Variants in OTOGL observed in about 807,000 individuals in gnomAD.
OTOGL encodes the protein otogelin like, also known as otogelin-like protein.
Under a neutral mutation model 318.5 loss-of-function variants are expected in OTOGL, and 285 were observed. That is an observed-to-expected ratio of 0.89 (90% CI 0.81 to 0.99). OTOGL has a LOEUF of 0.99. OTOGL is among the 50% of genes least tolerant of loss of function. OTOGL has a pLI of 0.00. For synonymous variants in OTOGL, 987 were observed against 936.5 expected, an observed-to-expected ratio of 1.05 and a Z score of -0.99; for missense variants, 2,899 against 2,845.6, an observed-to-expected ratio of 1.02 and a Z score of -0.43.
At chr12:80,162,225 A>G (rs1873558182) in intron 1 of OTOGL, among the ~76,000 whole-genome samples, 1 of 152,184 alleles carries the variant, frequency 6.6e-6, no homozygotes, top group Admixed American at 6.6e-5. Flanking sequence ...GAGAAATGGC[A>G]ATCACAAAAC....
rs1165505311 is a variant in OTOGL, at chr12:80,336,780, T to G, written c.4744-17T>G. On this transcript the variant is annotated splice_polypyrimidine_tract_variant and intron_variant, in intron 40 of 58. Coordinates refer to ENST00000547103, the MANE Select transcript of OTOGL (RefSeq NM_001378609.3). ...GTCAAATAATGCATTTAAAAGTATT[T>G]CTTTTTTTTTTTCCAGAATGGAAAC... 3 of 1,496,884 alleles carry G rather than the reference T, an allele frequency of 2.0e-6. No individual in the cohort carries two copies. Among genetic ancestry groups the G allele is most frequent in the Non-Finnish European group, 2.7e-6 (3 of 1,106,154 alleles). 92.7% of individuals were successfully genotyped at this position (1,496,884 alleles called of 1,614,324 possible). A position where few individuals can be genotyped will look rare whatever the true frequency, so the allele number is the denominator to read the frequency against.
intron 26 of OTOGL, among the ~76,000 whole-genome samples, chr12:80,290,706 TA>T (rs1400621208): frequency 1.3e-5 from 2 of 152,182 alleles, no homozygotes; most frequent in African/African-American, 4.8e-5. Context: ...CCAAAAGCAT[TA>T]AAAATCTTGT....
intron 1 of OTOGL, among the ~76,000 whole-genome samples, chr12:80,128,837 G>C (rs1223069225): frequency 6.6e-6 from 1 of 152,222 alleles, no homozygotes; most frequent in Non-Finnish European, 1.5e-5. Context: ...GACCCTCTGA[G>C]CCAGGTGCGG....
At chr12:80,246,363 T>G (rs1880887894) in intron 11 of OTOGL, among the ~76,000 whole-genome samples, 1 of 143,850 alleles carries the variant, frequency 7.0e-6, no homozygotes, top group Non-Finnish European at 1.5e-5. Context: ...TTGAGAGTTT[T>G]TAGCATGAAG....
In OTOGL at chr12:80,211,942, C is replaced by CT. The variant is rs760099488; in HGVS notation, c.120-5dup. The CT allele has an allele frequency of 1.0e-5, 16 of 1,560,298 alleles. No homozygotes were observed. The South Asian group carries it at 1.8e-4, about 17-fold the overall frequency. On this transcript the variant is annotated splice_region_variant and splice_polypyrimidine_tract_variant and intron_variant, in intron 3 of 58. Transcript: ENST00000547103. Reference sequence around the variant, plus strand: ...TGACTGTACAAGTTCTTTTTGTTTTCTTCCAGAAACGGGTTTAATGAAAAT... The same window carrying CT: ...TGACTGTACAAGTTCTTTTTGTTTTCTTTCCAGAAACGGGTTTAATGAAAAT...
At position 80,257,760 on chromosome 12, in the gene OTOGL, C is replaced by T. The variant is rs1288567093; in HGVS notation, c.1712-65C>T. On this transcript the variant is annotated intron_variant, in intron 17 of 58. Coordinates refer to ENST00000547103, the MANE Select transcript of OTOGL (RefSeq NM_001378609.3). Reference sequence around the variant, plus strand: ...TGGGGAAGAGAGTCCTGGTGGTGTACCCTAGCATTTCAGAACACCGTCTAT... The same window carrying T: ...TGGGGAAGAGAGTCCTGGTGGTGTATCCTAGCATTTCAGAACACCGTCTAT... 3.0e-6 allele frequency: 4 copies of T among 1,320,624 alleles called. No individual in the cohort carries two copies. The African/African-American group carries it at 4.4e-5, about 15-fold the overall frequency. 81.8% of individuals were successfully genotyped at this position (1,320,624 alleles called of 1,614,324 possible).
chr12:80,118,680 A>G (rs1054776281), intron 1 of OTOGL, among the ~76,000 whole-genome samples: 1 of 152,156 alleles, frequency 6.6e-6, no homozygotes, highest in Non-Finnish European at 1.5e-5. Context: ...CCTACTAATA[A>G]CAGAGTTGGA....
intron 1 of OTOGL, among the ~76,000 whole-genome samples, chr12:80,137,672 C>T (rs974350530): frequency 3.3e-5 from 5 of 152,142 alleles, no homozygotes; most frequent in Non-Finnish European, 5.9e-5. Flanking sequence ...AAAGCCCCAT[C>T]ACAAATTAAC....
rs577792914 is a variant in OTOGL at position 80,328,101 on chromosome 12, G to A, written c.4200-564G>A. ...GGAGGCTGAGGTGGGCTGATTGCTT[G>A]AGCCCAGGAATTCAAGATCAGCCTG... is the stretch of plus-strand genomic sequence containing the variant. On this transcript the variant is annotated intron_variant, in intron 35 of 58. Transcript: ENST00000547103. Among the ~76,000 whole-genome samples, 16 of 151,736 alleles carry A rather than the reference G, an allele frequency of 1.1e-4. No individual in the cohort carries two copies. In the South Asian group the frequency reaches 2.5e-3, roughly 24 times the overall value.
chr12:80,224,544 C>T (rs1362669932), intron 7 of OTOGL, among the ~76,000 whole-genome samples: 3 of 152,036 alleles, frequency 2.0e-5, no homozygotes, highest in East Asian at 1.9e-4. Context: ...TACCCATCAA[C>T]GAGCATGGGA....
chr12:80,267,154 G>A (rs971141920), intron 21 of OTOGL, 99 bp from the exon 22 acceptor site: 15 of 573,392 alleles, frequency 2.6e-5, no homozygotes, highest in South Asian at 2.1e-4. Context: ...ACCTTAGAGT[G>A]TACCTTACAA....
At chr12:80,303,248 C>T (rs1347217202) in intron 28 of OTOGL, among the ~76,000 whole-genome samples, 6 of 152,198 alleles carry the variant, frequency 3.9e-5, no homozygotes, top group East Asian at 1.9e-4. Context: ...CTCCGCCTCC[C>T]GGGTTCACGC....
chr12:80,116,830 A>G (rs1020150321), intron 1 of OTOGL, among the ~76,000 whole-genome samples: 1 of 152,208 alleles, frequency 6.6e-6, no homozygotes, highest in Non-Finnish European at 1.5e-5. Flanking sequence ...ACATCTCTGG[A>G]TGGCCCATCT....
chr12:80,348,414 A>G (rs1406812433), intron 44 of OTOGL, among the ~76,000 whole-genome samples: 1 of 152,110 alleles, frequency 6.6e-6, no homozygotes, highest in Non-Finnish European at 1.5e-5. Flanking sequence ...CAGGTTTGTG[A>G]AAGATCAGAT....
chr12:80,302,697 A>G lies in OTOGL; in HGVS notation c.3127A>G (p.Ile1043Val). 1 of 1,516,608 alleles carries G rather than the reference A, an allele frequency of 6.6e-7. No individual in the cohort carries two copies. Among genetic ancestry groups the G allele is most frequent in the Non-Finnish European group, 8.8e-7 (1 of 1,135,548 alleles). 93.9% of individuals were successfully genotyped at this position (1,516,608 alleles called of 1,614,324 possible). A position where few individuals can be genotyped will look rare whatever the true frequency, so the allele number is the denominator to read the frequency against. ...CCAGCTTTGGAAGGCTGGTTACTAT[A>G]TAGTAGTATACTTTCCAGAGAAAGA... Reference protein sequence around the residue: ...TYQLWKAGYYIVVYFPEKDIT... With the variant: ...TYQLWKAGYYVVVYFPEKDIT... The change falls in exon 28 of 59, where the codon ATA (isoleucine) becomes GTA (valine). Residue 1043 changes from isoleucine (I) to valine (V), a missense_variant. Around this residue, in one of 3 missense-constraint regions of OTOGL, gnomAD observed 2,607 missense variants for 2,524.9 expected, o/e 1.03. Transcript: ENST00000547103.
At position 80,265,041 on chromosome 12, in the gene OTOGL, C is replaced by A. The variant is rs1468379518; in HGVS notation, c.2055C>A (p.Leu685=). The change falls in exon 20 of 59, where the codon CTC becomes CTA. Residue 685 remains leucine (L), a synonymous_variant. Transcript: ENST00000547103. Reference sequence around the variant, plus strand: ...ACTGTGATGTCATCCACCAGGAGCTCTTTGCTCCTTGCCACATCTATATTA... The same window carrying A: ...ACTGTGATGTCATCCACCAGGAGCTATTTGCTCCTTGCCACATCTATATTA... ...AAHCDVIHQE[L]FAPCHIYISP... is the part of the protein sequence containing the mutation. 6.2e-7 allele frequency: 1 copy of A among 1,613,908 alleles called. No homozygotes were observed. The highest frequency in any genetic ancestry group is 1.7e-5 in the Admixed American group (1 of 59,978).
chr12:80,205,517 A>T (rs1876752880), intron 1 of OTOGL, among the ~76,000 whole-genome samples: 1 of 152,234 alleles, frequency 6.6e-6, no homozygotes, highest in African/African-American at 2.4e-5. Context: ...TATATGAAAC[A>T]TCCCAGAAAC....
chr12:80,254,988 C>G (rs1881900653), intron 15 of OTOGL, 52 bp from the exon 16 acceptor site: 1 of 1,357,254 alleles, frequency 7.4e-7, no homozygotes, highest in Non-Finnish European at 9.6e-7. Context: ...CTCTCTCCTC[C>G]TCTATCTCCA....
intron 26 of OTOGL, among the ~76,000 whole-genome samples, chr12:80,296,143 C>T (rs1420651154): frequency 6.6e-6 from 1 of 152,166 alleles, no homozygotes. Flanking sequence ...TAGACCCTTC[C>T]TAATTTCTTT....
Sources: gnomAD v4.1 joint callset for allele counts (sites outside exome capture counted in the v4.1 genomes callset) on GRCh38, gnomAD v4.1.1 for gene constraint, gnomAD v4.1.1 regional missense constraint, MANE v1.5 for transcripts, NCBI Gene and HGNC (gene_info 2026-07-23, HGNC 2026-07-21) for gene names.